The following MAGI1 variants were observed in gnomAD, a reference collection of about 807,000 sequenced individuals.
MAGI1 encodes membrane-associated guanylate kinase, WW and PDZ domain-containing protein 1.
In MAGI1, 58 loss-of-function variants were observed where a neutral mutation model predicts 139.9. The ratio of observed to expected loss-of-function variants is 0.41; its 90% CI spans 0.34 to 0.52. The LOEUF (loss-of-function observed/expected upper bound fraction) is 0.52, where lower values mean the gene tolerates loss of function less well. Among genes scored for constraint, MAGI1 ranks in the 20% least tolerant of loss-of-function variants. The pLI is 0.12. For synonymous variants in MAGI1, 812 were observed against 737.9 expected (o/e 1.10, Z -1.63); for missense variants, 1,874 against 1,901.6 (o/e 0.99, Z 0.27).
intron 1 of MAGI1, among the ~76,000 whole-genome samples, chr3:65,788,177 G>A (rs1441891193): frequency 1.3e-5 from 2 of 152,168 alleles, no homozygotes. Flanking sequence ...AGCCCATGAG[G>A]GCAGGACTAG....
At chr3:65,366,009 T>C (rs76236491) in intron 18 of MAGI1, among the ~76,000 whole-genome samples, 8,173 of 152,264 alleles carry the variant, frequency 0.054, 717 homozygotes, top group East Asian at 0.34. Context: ...CCTGTTATTT[T>C]ATTTTCATGA....
chr3:65,699,699 G>A (rs1012135137), intron 1 of MAGI1, among the ~76,000 whole-genome samples: 14 of 139,140 alleles, frequency 1.0e-4, no homozygotes, highest in Admixed American at 3.0e-4. Context: ...GACACAGGAA[G>A]GGGAATATCA....
chr3:65,431,343 C>T (rs1202804575), intron 10 of MAGI1, among the ~76,000 whole-genome samples: 1 of 152,098 alleles, frequency 6.6e-6, no homozygotes, highest in East Asian at 1.9e-4. Flanking sequence ...ACGGAAAATC[C>T]AGGCTGAAAA....
intron 2 of MAGI1, among the ~76,000 whole-genome samples, chr3:65,530,865 A>ATG (rs1242983709): frequency 6.9e-6 from 1 of 144,110 alleles, no homozygotes; most frequent in Non-Finnish European, 1.5e-5. Flanking sequence ...ATATATATAT[A>ATG]TATGGAGAGA....
rs11915899 is a variant in MAGI1, at chr3:65,923,928, A to G, written c.313+114068T>C. Among the ~76,000 whole-genome samples the G allele has an allele frequency of 8.4e-4, 128 of 152,340 alleles. 2 individuals are homozygous for G. The highest frequency in any genetic ancestry group is 3.0e-3 in the African/African-American group (123 of 41,572). ...GCACCTAATCTTGCAGCATCAATGC[A>G]CCTGAATTTTATATTAAGAGTAATA... On this transcript the variant is annotated intron_variant, in intron 1 of 22. Coordinates refer to ENST00000402939, the MANE Select transcript of MAGI1 (RefSeq NM_001033057.2).
intron 1 of MAGI1, among the ~76,000 whole-genome samples, chr3:65,940,913 G>A (rs2106834792): frequency 1.3e-5 from 2 of 152,214 alleles, no homozygotes; most frequent in Middle Eastern, 6.8e-3. Context: ...AACTCTAAGA[G>A]GTATTACAGT....
At chr3:65,559,503 A>G (rs1467501579) in intron 2 of MAGI1, among the ~76,000 whole-genome samples, 4 of 152,118 alleles carry the variant, frequency 2.6e-5, no homozygotes, top group Non-Finnish European at 5.9e-5. Flanking sequence ...ATTTAATTCT[A>G]CTTGTTTTTC....
chr3:65,702,910 T>C (rs1016256103), intron 1 of MAGI1, among the ~76,000 whole-genome samples: 8 of 151,922 alleles, frequency 5.3e-5, no homozygotes, highest in Non-Finnish European at 7.4e-5. Flanking sequence ...GCTCAGCATA[T>C]GGTGGTGAGA....
intron 5 of MAGI1, among the ~76,000 whole-genome samples, chr3:65,457,542 G>T (rs1446666526): frequency 1.3e-5 from 2 of 152,068 alleles, no homozygotes; most frequent in Non-Finnish European, 1.5e-5. Context: ...CCAATATATG[G>T]TTTGTTAGAT....
chr3:65,583,359 ACAG>A (rs1479604678), intron 2 of MAGI1, among the ~76,000 whole-genome samples: 1 of 152,180 alleles, frequency 6.6e-6, no homozygotes, highest in Non-Finnish European at 1.5e-5. Flanking sequence ...GTCTTGCAAG[ACAG>A]CTGAATGAAG....
At chr3:65,886,139 T>C (rs566028580) in intron 1 of MAGI1, among the ~76,000 whole-genome samples, 79 of 152,340 alleles carry the variant, frequency 5.2e-4, no homozygotes, top group Non-Finnish European at 9.8e-4. Flanking sequence ...CATTGAGAAA[T>C]AGGCTCTTAT....
chr3:65,771,963 G>T (rs1244666993), intron 1 of MAGI1, among the ~76,000 whole-genome samples: 1 of 152,196 alleles, frequency 6.6e-6, no homozygotes, highest in Non-Finnish European at 1.5e-5. Context: ...AGCACTTTGG[G>T]AGGCCGAGGC....
At chr3:65,820,167 GA>G (rs922356111) in intron 1 of MAGI1, among the ~76,000 whole-genome samples, 20 of 150,732 alleles carry the variant, frequency 1.3e-4, no homozygotes, top group African/African-American at 4.9e-4. Context: ...TTCAAAGTGA[GA>G]AAAAAAAACT....
chr3:65,926,189 A>C (rs1166044935), intron 1 of MAGI1, among the ~76,000 whole-genome samples: 2 of 152,258 alleles, frequency 1.3e-5, no homozygotes, highest in Non-Finnish European at 2.9e-5. Context: ...ACCTGAAAGG[A>C]AATTTTATTA....
chr3:65,992,729 T>C (rs537938789), intron 1 of MAGI1, among the ~76,000 whole-genome samples: 34 of 152,298 alleles, frequency 2.2e-4, no homozygotes, highest in African/African-American at 7.2e-4. Flanking sequence ...ACCAACGCCT[T>C]CCAGATCCAG....
intron 1 of MAGI1, among the ~76,000 whole-genome samples, chr3:65,684,317 A>T (rs2087837126): frequency 6.6e-6 from 1 of 152,194 alleles, no homozygotes; most frequent in Admixed American, 6.5e-5. Flanking sequence ...TAACAGCTTT[A>T]TGTGTAATAG....
chr3:65,734,539 G>GAGAGAGAA, intron 1 of MAGI1, among the ~76,000 whole-genome samples: 1 of 146,840 alleles, frequency 6.8e-6, no homozygotes, highest in East Asian at 1.9e-4. Context: ...GAGAGGGGGA[G>GAGAGAGAA]AGAGAGAAAG....
At chr3:65,990,228 C>G (rs72910912) in intron 1 of MAGI1, among the ~76,000 whole-genome samples, 210 of 152,198 alleles carry the variant, frequency 1.4e-3, no homozygotes, top group African/African-American at 4.9e-3. Context: ...ATCATGAACT[C>G]AAGTTCAGTA....
In MAGI1 at chr3:65,356,703, C is replaced by CCTGCGGGTGG; in HGVS notation, c.4063_4064insCCACCCGCAG (p.Arg1355ProfsTer106). ...TCTCCTGCGGGTGGGTGACCGCTCT[C>CCTGCGGGTGG]GCCTCCGCTCCGGAGAGACGTCTCG... is the stretch of plus-strand genomic sequence containing the variant. On this transcript the variant is annotated frameshift_variant, in exon 23 of 23. Coordinates refer to ENST00000402939, the MANE Select transcript of MAGI1 (RefSeq NM_001033057.2). LOFTEE classifies it low-confidence loss of function (END_TRUNC). 1 of 1,593,320 alleles carries CCTGCGGGTGG rather than the reference C, an allele frequency of 6.3e-7. No homozygotes were observed. Among genetic ancestry groups the CCTGCGGGTGG allele is most frequent in the South Asian group, 1.1e-5 (1 of 87,370 alleles).
Sources: gnomAD v4.1 joint callset for allele counts (sites outside exome capture counted in the v4.1 genomes callset) on GRCh38, gnomAD v4.1.1 for gene constraint, MANE v1.5 for transcripts, NCBI Gene and HGNC (gene_info 2026-07-23, HGNC 2026-07-21) for gene names.